RB1CC1: variants seen among roughly 807,000 people sequenced by gnomAD.
The protein encoded by RB1CC1 is RB1 inducible coiled-coil 1.
Under a neutral mutation model 177.5 loss-of-function variants are expected in RB1CC1, and 46 were observed. That is an observed-to-expected ratio of 0.26 (90% CI 0.20 to 0.33). The LOEUF (loss-of-function observed/expected upper bound fraction) is 0.33. RB1CC1 is among the 10% of genes least tolerant of loss of function. RB1CC1 has a pLI of 1.00. For missense variants in RB1CC1, 1,703 were observed against 1,816.3 expected, an observed-to-expected ratio of 0.94 and a Z score of 1.13; for synonymous variants, 666 against 613.6, an observed-to-expected ratio of 1.09 and a Z score of -1.26.
At chr8:52,630,794 T>C (rs1391579276) in intron 20 of RB1CC1, among the ~76,000 whole-genome samples, 1 of 152,202 alleles carries the variant, frequency 6.6e-6, no homozygotes, top group Non-Finnish European at 1.5e-5. Context: ...AGGACAGATT[T>C]TTCAAGAAGA....
chr8:52,657,771 G>C lies in RB1CC1; in HGVS notation c.2058C>G (p.Pro686=). ...TACTATCTGGAGATAATTCTTCTAA[G>C]GGACAAACTGCAGGACATAAGGGAT... is the stretch of plus-strand genomic sequence containing the variant. ...VQDPLCPAVC[P]LEELSPDSID... is the part of the protein sequence containing the mutation. Residue 686 remains proline (P), a synonymous_variant, in exon 15 of 24, where the codon CCC becomes CCG. Coordinates refer to ENST00000025008, the MANE Select transcript of RB1CC1 (RefSeq NM_014781.5). 1 of 1,613,842 alleles carries C rather than the reference G, an allele frequency of 6.2e-7. No homozygotes were observed. The highest frequency in any genetic ancestry group is 8.5e-7 in the Non-Finnish European group (1 of 1,179,966).
At position 52,672,901 on chromosome 8, in the gene RB1CC1, A is replaced by G. The variant is rs117248186; in HGVS notation, c.1002+944T>C. On this transcript the variant is annotated intron_variant, in intron 7 of 23. Coordinates refer to ENST00000025008, the MANE Select transcript of RB1CC1 (RefSeq NM_014781.5). Reference sequence around the variant, plus strand: ...ATTTTTGGCAGTGATCAATCTTTGCATAACATATTACATACTTCTCTGGCA... The same window carrying G: ...ATTTTTGGCAGTGATCAATCTTTGCGTAACATATTACATACTTCTCTGGCA... Among the ~76,000 whole-genome samples the G allele has an allele frequency of 3.3e-4, 51 of 152,374 alleles. No homozygotes were observed. In the East Asian group the frequency reaches 9.1e-3, roughly 27 times the overall value.
chr8:52,669,328 G>A (rs1852348649), intron 7 of RB1CC1, among the ~76,000 whole-genome samples: 1 of 152,092 alleles, frequency 6.6e-6, no homozygotes, highest in South Asian at 2.1e-4. Context: ...GATAAACCGT[G>A]TTTTTCTATC....
At chr8:52,643,211 C>G (rs1849725578) in intron 16 of RB1CC1, 1 of 156,730 alleles carries the variant, frequency 6.4e-6, no homozygotes, top group African/African-American at 2.4e-5. Flanking sequence ...ATGACTCTAT[C>G]TTCCTTATTT....
chr8:52,706,465 C>T (rs945825235), intron 1 of RB1CC1, among the ~76,000 whole-genome samples: 1 of 151,546 alleles, frequency 6.6e-6, no homozygotes, highest in Non-Finnish European at 1.5e-5. Flanking sequence ...TAGCCTCCGC[C>T]TCCCAGGTTC....
chr8:52,683,817 T>A, intron 4 of RB1CC1, 70 bp downstream of exon 4: 2 of 1,585,996 alleles, frequency 1.3e-6, no homozygotes, highest in Non-Finnish European at 1.7e-6. Flanking sequence ...AACCTTACTT[T>A]TGAACACTGA....
rs766257098 is a variant in RB1CC1 at position 52,642,485 on chromosome 8, T to C, written c.4203A>G (p.Pro1401=). Residue 1401 remains proline, a synonymous_variant, in exon 18 of 24, where the codon CCA becomes CCG. Coordinates refer to ENST00000025008, the MANE Select transcript of RB1CC1 (RefSeq NM_014781.5). ...KLRSSSFVPS[P]YVATAPELYG... The stretch of plus-strand genomic sequence containing the variant: ...AAAGTTCTGGGGCTGTAGCTACATA[T>C]GGTGAAGGAACAAAACTGCTACTAC... 39 of 1,613,996 alleles carry C rather than the reference T, an allele frequency of 2.4e-5. 1 individual carries two copies. The South Asian group carries it at 3.5e-4, about 15-fold the overall frequency.
chr8:52,642,676 A>T (rs34127081), intron 17 of RB1CC1, 28 bp downstream of exon 17: 37,843 of 1,563,650 alleles, frequency 0.024, 523 homozygotes, highest in Non-Finnish European at 0.028. Flanking sequence ...TTAAAAAATT[A>T]AAAAAAATAG....
At chr8:52,671,328 T>C (rs1238541394) in intron 7 of RB1CC1, among the ~76,000 whole-genome samples, 2 of 152,232 alleles carry the variant, frequency 1.3e-5, no homozygotes, top group Non-Finnish European at 2.9e-5. Flanking sequence ...AAACGATAGA[T>C]TTAAACTGAA....
chr8:52,667,730 G>A (rs1852196716), intron 8 of RB1CC1, among the ~76,000 whole-genome samples: 1 of 152,142 alleles, frequency 6.6e-6, no homozygotes, highest in South Asian at 2.1e-4. Flanking sequence ...GGGGTAGTAG[G>A]AAGCATTGAA....
At chr8:52,661,859 C>T (rs777124455) in intron 8 of RB1CC1, 140 bp from the exon 9 acceptor site, 2 of 589,184 alleles carry the variant, frequency 3.4e-6, no homozygotes. Flanking sequence ...CTATTTTTCT[C>T]GAATGTAGTA....
At chr8:52,706,040 G>T (rs1368441411) in intron 1 of RB1CC1, among the ~76,000 whole-genome samples, 1 of 151,762 alleles carries the variant, frequency 6.6e-6, no homozygotes, top group Non-Finnish European at 1.5e-5. Context: ...CAATTTAATA[G>T]CAATCTTTTT....
intron 15 of RB1CC1, 94 bp downstream of exon 15, chr8:52,655,914 C>T: frequency 2.0e-6 from 2 of 1,002,766 alleles, no homozygotes; most frequent in Non-Finnish European, 2.8e-6. Context: ...CTACATTTAC[C>T]CAAGGTAAAT....
intron 16 of RB1CC1, among the ~76,000 whole-genome samples, chr8:52,644,930 G>T (rs1849888309): frequency 1.3e-5 from 2 of 152,166 alleles, no homozygotes. Context: ...AATTCTAGCA[G>T]TAGCTACCAA....
At position 52,656,690 on chromosome 8, in the gene RB1CC1, T is replaced by C. The variant is rs975378344; in HGVS notation, c.3139A>G (p.Lys1047Glu). ...QEKEKQLQELKLKVSDLSDTR... is the reference protein window; with the variant it reads ...QEKEKQLQELELKVSDLSDTR... The stretch of plus-strand genomic sequence containing the variant: ...TCTGACAAATCAGAAACCTTGAGTT[T>C]TAATTCCTGTAACTGTTTTTCTTTT... Residue 1047 changes from lysine to glutamate, a missense_variant, in exon 15 of 24, where the codon AAA becomes GAA. By Grantham distance (56) the Lys-to-Glu change is moderately conservative (BLOSUM62 1). This residue lies in a region of RB1CC1 where 1,169 missense variants were observed against 1,184.7 expected (regional missense o/e 0.99). Coordinates refer to ENST00000025008, the MANE Select transcript of RB1CC1 (RefSeq NM_014781.5). The C allele has an allele frequency of 3.1e-6, 5 of 1,613,894 alleles. No homozygotes were observed. Among genetic ancestry groups the C allele is most frequent in the Non-Finnish European group, 2.5e-6 (3 of 1,179,906 alleles).
chr8:52,636,452 C>T (rs1849149047), intron 18 of RB1CC1, among the ~76,000 whole-genome samples: 1 of 152,092 alleles, frequency 6.6e-6, no homozygotes, highest in South Asian at 2.1e-4. Context: ...TCACTAGTTA[C>T]TATGCCAGGT....
chr8:52,707,420 TTTTC>T (rs1183956398), intron 1 of RB1CC1, among the ~76,000 whole-genome samples: 38 of 144,888 alleles, frequency 2.6e-4, no homozygotes, highest in African/African-American at 5.5e-4. Context: ...TTTCTTTTCT[TTTTC>T]TTTCTTTCTT....
chr8:52,687,142 T>C lies in RB1CC1; in HGVS notation c.-166-175A>G, dbSNP rs953408519. Among the ~76,000 whole-genome samples the C allele has an allele frequency of 2.0e-5, 3 of 152,054 alleles. No individual in the cohort carries two copies. The East Asian group carries it at 5.8e-4, about 29-fold the overall frequency. ...CATGACTTCAACCCACATCAATCCA[T>C]GGCATCAAACAAAAGTCACCAATAA... On this transcript the variant is annotated intron_variant, in intron 1 of 23. Coordinates refer to ENST00000025008, the MANE Select transcript of RB1CC1 (RefSeq NM_014781.5).
chr8:52,657,736 T>A lies in RB1CC1; in HGVS notation c.2093A>T (p.His698Leu), dbSNP rs1851201339. 6.2e-7 allele frequency: 1 copy of A among 1,613,964 alleles called. No homozygotes were observed. The highest frequency in any genetic ancestry group is 1.1e-5 in the South Asian group (1 of 91,082). Reference protein sequence around the residue: ...EELSPDSIDAHTFDFETIPHP... With the variant: ...EELSPDSIDALTFDFETIPHP... ...GGGAATAGTTTCAAAATCAAACGTA[T>A]GTGCATCAATACTATCTGGAGATAA... The change falls in exon 15 of 24, where the codon CAT (histidine) becomes CTT (leucine). Residue 698 changes from histidine (H) to leucine (L), a missense_variant. By Grantham distance (99) the His-to-Leu change is moderately conservative. This residue lies in a region of RB1CC1 where 1,169 missense variants were observed against 1,184.7 expected (regional missense o/e 0.99). Coordinates refer to ENST00000025008, the MANE Select transcript of RB1CC1 (RefSeq NM_014781.5).
Sources: gnomAD v4.1 joint callset for allele counts (sites outside exome capture counted in the v4.1 genomes callset) on GRCh38, gnomAD v4.1.1 for gene constraint, gnomAD v4.1.1 regional missense constraint, MANE v1.5 for transcripts, NCBI Gene and HGNC (gene_info 2026-07-23, HGNC 2026-07-21) for gene names.